UBL4A: variants seen among roughly 807,000 people sequenced by gnomAD.
UBL4A encodes ubiquitin like 4A.
A neutral mutation model predicts 11.4 loss-of-function variants in UBL4A; 4 were observed. The observed-to-expected ratio is 0.35, with a 90% CI of 0.17 to 0.81. UBL4A has a LOEUF of 0.81. UBL4A is among the 30% of genes least tolerant of loss of function. The pLI is 0.52. For synonymous variants in UBL4A, 72 were observed against 61.2 expected (o/e 1.18, Z -0.83); for missense variants, 112 against 124.9 (o/e 0.90, Z 0.49).
intron 2 of UBL4A, 73 bp downstream of exon 2, chrX:154,486,155 C>A: frequency 9.2e-7 from 1 of 1,082,030 alleles, no homozygotes; most frequent in Non-Finnish European, 1.2e-6. Context: ...CGACACACGG[C>A]TGCTGGCCTC....
Position 154,485,800 on chromosome X carries a change from C to T in UBL4A, c.334G>A (p.Ala112Thr). Reference sequence around the variant, plus strand: ...TGTAGCTGTTCCAGGACCCTGCTGGCATCTGCCGCACTGAAGTGGCGGGCC... The same window carrying T: ...TGTAGCTGTTCCAGGACCCTGCTGGTATCTGCCGCACTGAAGTGGCGGGCC... The part of the protein sequence containing the change: ...VLARHFSAAD[A>T]SRVLEQLQRD... The change falls in exon 3 of 4, where the codon GCC becomes ACC. Residue 112 changes from alanine (A) to threonine (T), a missense_variant. By Grantham distance (58) the Ala-to-Thr change is moderately conservative. Transcript: ENST00000369660. 1.7e-6 allele frequency: 2 copies of T among 1,197,907 alleles called. No individual in the cohort carries two copies. The highest frequency in any genetic ancestry group is 2.3e-6 in the Non-Finnish European group (2 of 888,203).
At position 154,486,522 on chromosome X, in the gene UBL4A, G is replaced by T. The variant is rs1557212971; in HGVS notation, c.48+15C>A. On this transcript the variant is annotated intron_variant, in intron 1 of 3. Transcript: ENST00000369660. The stretch of plus-strand genomic sequence containing the variant: ...AGAGCGCGCCGGACCCGGCGGCCCG[G>T]CCCGGGGACCCTACCTGCAGGCTGC... 3 of 1,035,059 alleles carry T rather than the reference G, an allele frequency of 2.9e-6. No homozygotes were observed. The highest frequency in any genetic ancestry group is 3.8e-4 in the Middle Eastern group (1 of 2,604). The allele number at this position is 1,035,059 out of a possible 1,213,427, so 85.3% of individuals were successfully genotyped here.
Position 154,485,529 on chromosome X carries a change from T to C in UBL4A, c.*10A>G. The C allele has an allele frequency of 1.7e-6, 2 of 1,207,411 alleles. No individual in the cohort carries two copies. The highest frequency in any genetic ancestry group is 2.2e-6 in the Non-Finnish European group (2 of 891,741). ...CCTGGCGTTGGGCACCTCCCCATGCTCCGAGAATTCTATTTGGAGAAGCCC... is the reference window on the plus strand; with the variant it reads ...CCTGGCGTTGGGCACCTCCCCATGCCCCGAGAATTCTATTTGGAGAAGCCC... On this transcript the variant is annotated 3_prime_UTR_variant, in exon 4 of 4. Transcript: ENST00000369660.
chrX:154,486,511 C>T (rs2069300433), intron 1 of UBL4A, 26 bp downstream of exon 1: 4 of 1,033,356 alleles, frequency 3.9e-6, no homozygotes, highest in Non-Finnish European at 4.9e-6. Flanking sequence ...CGCGCCGGAC[C>T]CGGCGGCCCG....
intron 3 of UBL4A, 44 bp from the exon 4 acceptor site, chrX:154,485,693 G>C (rs371383163): frequency 1.5e-5 from 18 of 1,190,381 alleles, no homozygotes; most frequent in Non-Finnish European, 1.9e-5. Context: ...GCCAGTGGTG[G>C]GGGGGCATAC....
chrX:154,486,543 G>A lies in UBL4A; in HGVS notation c.42C>T (p.Ser14=). ...CCCGGCCCGGGGACCCTACCTGCAG[G>A]CTGCACTCGCGGCCCTGCAGCGCCT... The part of the protein sequence containing the change: ...TVKALQGREC[S]LQVPEDELVS... Residue 14 remains serine (S), a synonymous_variant, in exon 1 of 4, where the codon AGC becomes AGT. Transcript: ENST00000369660. 2.9e-6 allele frequency: 3 copies of A among 1,024,404 alleles called. No individual in the cohort carries two copies. The highest frequency in any genetic ancestry group is 3.7e-6 in the Non-Finnish European group (3 of 802,908). The allele number at this position is 1,024,404 out of a possible 1,213,427, so 84.4% of individuals were successfully genotyped here.
Position 154,486,282 on chromosome X carries a change from G to A in UBL4A, c.100C>T (p.Leu34=). The change falls in exon 2 of 4, where the codon CTG becomes TTG. Residue 34 remains leucine, a synonymous_variant. Coordinates refer to ENST00000369660, the MANE Select transcript of UBL4A (RefSeq NM_014235.5). The part of the protein sequence containing the change: ...STLKQLVSEK[L]NVPVRQQRLL... ...CGCTGCTGGCGCACTGGGACGTTCA[G>A]CTTCTCGGAGACCAGCTGCTTCAGC... 8.6e-7 allele frequency: 1 copy of A among 1,156,165 alleles called. No individual in the cohort carries two copies. The highest frequency in any genetic ancestry group is 1.2e-6 in the Non-Finnish European group (1 of 868,018).
At position 154,485,824 on chromosome X, in the gene UBL4A, C is replaced by T. The variant is rs377663564; in HGVS notation, c.310G>A (p.Ala104Thr). The change falls in exon 3 of 4, where the codon GCC (alanine) becomes ACC (threonine). Residue 104 changes from alanine (A) to threonine (T), a missense_variant. Ala to Thr is a moderately conservative substitution (Grantham distance 58). Transcript: ENST00000369660. ...QVWQLISKVLARHFSAADASR... is the reference protein window; with the variant it reads ...QVWQLISKVLTRHFSAADASR... ...GCATCTGCCGCACTGAAGTGGCGGG[C>T]CAAGACTTTGGAGATCAGCTGCCAG... The T allele has an allele frequency of 6.6e-5, 78 of 1,189,734 alleles. 1 individual carries two copies. The African/African-American group carries it at 1.0e-3, about 16-fold the overall frequency.
In UBL4A at chrX:154,485,923, C is replaced by T. The variant is rs782495618; in HGVS notation, c.211G>A (p.Val71Ile). The T allele has an allele frequency of 1.1e-5, 13 of 1,210,648 alleles. No individual in the cohort carries two copies. The highest frequency in any genetic ancestry group is 7.8e-6 in the Non-Finnish European group (7 of 895,503). ...AGTAGCACCTTCTCCAGGGGTTTGA[C>T]CACTAGGTTGAGCTTGGAGTTGGGC... The part of the protein sequence containing the change: ...IGPNSKLNLV[V>I]KPLEKVLLEE... The change falls in exon 3 of 4, where the codon GTC (valine) becomes ATC (isoleucine). Residue 71 changes from valine to isoleucine, a missense_variant. By Grantham distance (29) the Val-to-Ile change is conservative. Coordinates refer to ENST00000369660, the MANE Select transcript of UBL4A (RefSeq NM_014235.5).
rs1557212598 is a variant in UBL4A at position 154,485,548 on chromosome X, G to A, written c.465C>T (p.Phe155=). 1.7e-6 allele frequency: 2 copies of A among 1,211,302 alleles called. No homozygotes were observed. Among genetic ancestry groups the A allele is most frequent in the Admixed American group, 2.2e-5 (1 of 46,078 alleles). The change falls in exon 4 of 4, where the codon TTC becomes TTT. Residue 155 remains phenylalanine (F), a synonymous_variant. Transcript: ENST00000369660. The part of the protein sequence containing the change: ...PEVTETMEKG[F]SK ...CCATGCTCCGAGAATTCTATTTGGA[G>A]AAGCCCTTCTCCATTGTCTCAGTCA...
In UBL4A at chrX:154,486,223, G is replaced by C. The variant is rs370390106; in HGVS notation, c.154+5C>G. The C allele has an allele frequency of 4.9e-5, 56 of 1,151,847 alleles. No individual in the cohort carries two copies. The African/African-American group carries it at 9.5e-4, about 19-fold the overall frequency. 94.9% of individuals were successfully genotyped at this position (1,151,847 alleles called of 1,213,427 possible). ...GCTCCCCGGGCGTCTCCTCTCCCTG[G>C]GTACCTGCCAGGGCCTTGCCCTTGA... On this transcript the variant is annotated splice_donor_5th_base_variant and intron_variant, in intron 2 of 3. Transcript: ENST00000369660.
In UBL4A at chrX:154,484,341, C is replaced by G. The variant is rs1557212316; in HGVS notation, c.*1198G>C. The G allele has an allele frequency of 8.9e-6, 1 of 112,979 alleles. No individual in the cohort carries two copies. The highest frequency in any genetic ancestry group is 3.2e-5 in the African/African-American group (1 of 31,108). The allele number at this position is 112,979 out of a possible 1,213,427, so 9.3% of individuals were successfully genotyped here. A position where few individuals can be genotyped will look rare whatever the true frequency, so the allele number is the denominator to read the frequency against. ...GGACCCAATATTTGCCCCACAAGGC[C>G]CAGGCAGGAGGGCCTCCAGCACGCG... is the stretch of plus-strand genomic sequence containing the variant. On this transcript the variant is annotated 3_prime_UTR_variant, in exon 4 of 4. Transcript: ENST00000369660.
rs1440789762 is a variant in UBL4A, at chrX:154,485,239, G to T, written c.*300C>A. 5.2e-5 allele frequency: 24 copies of T among 464,620 alleles called. No individual in the cohort carries two copies. Among genetic ancestry groups the T allele is most frequent in the Non-Finnish European group, 8.9e-5 (23 of 259,444 alleles). The allele number at this position is 464,620 out of a possible 1,213,427, so 38.3% of individuals were successfully genotyped here. On this transcript the variant is annotated 3_prime_UTR_variant, in exon 4 of 4. Coordinates refer to ENST00000369660, the MANE Select transcript of UBL4A (RefSeq NM_014235.5). ...ATTCTCAGTGGGCTAAACATGACAT[G>T]CGAGAGCCCAGCTCTCCAAGCGGCC...
At chrX:154,486,167 G>T in intron 2 of UBL4A, 61 bp downstream of exon 2, 1 of 1,103,416 alleles carries the variant, frequency 9.1e-7, no homozygotes, top group Non-Finnish European at 1.2e-6. Flanking sequence ...GCTGGCCTCG[G>T]CCCGCGCACC....
In UBL4A at chrX:154,484,928, C is replaced by G. The variant is rs1355166146; in HGVS notation, c.*611G>C. On this transcript the variant is annotated 3_prime_UTR_variant, in exon 4 of 4. Coordinates refer to ENST00000369660, the MANE Select transcript of UBL4A (RefSeq NM_014235.5). ...CACTGACTCAGGTCGGTGAGTGGCC[C>G]TCACTGTATAGAGTCCATGGCTGGG... 1.5e-5 allele frequency: 2 copies of G among 130,119 alleles called. No individual in the cohort carries two copies. Among genetic ancestry groups the G allele is most frequent in the Non-Finnish European group, 3.1e-5 (2 of 65,087 alleles). 10.7% of individuals were successfully genotyped at this position (130,119 alleles called of 1,213,427 possible).
chrX:154,486,268 C>T lies in UBL4A; in HGVS notation c.114G>A (p.Val38=), dbSNP rs1557212904. ...CCTTGAACAGCAGCCGCTGCTGGCG[C>T]ACTGGGACGTTCAGCTTCTCGGAGA... ...QLVSEKLNVP[V]RQQRLLFKGK... is the part of the protein sequence containing the mutation. The change falls in exon 2 of 4, where the codon GTG becomes GTA. Residue 38 remains valine (V), a synonymous_variant. Coordinates refer to ENST00000369660, the MANE Select transcript of UBL4A (RefSeq NM_014235.5). The T allele has an allele frequency of 2.6e-6, 3 of 1,157,519 alleles. No individual in the cohort carries two copies. The South Asian group carries it at 5.8e-5, about 22-fold the overall frequency.
chrX:154,486,564 C>G lies in UBL4A; in HGVS notation c.21G>C (p.Ala7=). The change falls in exon 1 of 4, where the codon GCG becomes GCC. Residue 7 remains alanine (A), a synonymous_variant. Transcript: ENST00000369660. The stretch of plus-strand genomic sequence containing the variant: ...GCAGGCTGCACTCGCGGCCCTGCAG[C>G]GCCTTCACCGTCAGCTGCATGGCGG... MQLTVK[A]LQGRECSLQV... 1.0e-6 allele frequency: 1 copy of G among 989,314 alleles called. No homozygotes were observed. Among genetic ancestry groups the G allele is most frequent in the Non-Finnish European group, 1.3e-6 (1 of 782,383 alleles). The allele number at this position is 989,314 out of a possible 1,213,427, so 81.5% of individuals were successfully genotyped here.
chrX:154,485,808 G>C lies in UBL4A; in HGVS notation c.326C>G (p.Ala109Gly), dbSNP rs782395991. ...TTCCAGGACCCTGCTGGCATCTGCCGCACTGAAGTGGCGGGCCAAGACTTT... is the reference window on the plus strand; with the variant it reads ...TTCCAGGACCCTGCTGGCATCTGCCCCACTGAAGTGGCGGGCCAAGACTTT... ...ISKVLARHFSAADASRVLEQL... is the reference protein window; with the variant it reads ...ISKVLARHFSGADASRVLEQL... Residue 109 changes from alanine to glycine, a missense_variant, in exon 3 of 4, where the codon GCG (alanine) becomes GGG (glycine). Coordinates refer to ENST00000369660, the MANE Select transcript of UBL4A (RefSeq NM_014235.5). The C allele has an allele frequency of 8.3e-7, 1 of 1,200,273 alleles. No homozygotes were observed. The highest frequency in any genetic ancestry group is 1.7e-5 in the African/African-American group (1 of 57,596).
chrX:154,485,751 C>T lies in UBL4A; in HGVS notation c.363+20G>A, dbSNP rs782646852. 4 of 1,188,446 alleles carry T rather than the reference C, an allele frequency of 3.4e-6. No homozygotes were observed. In the Admixed American group the frequency reaches 6.8e-5, roughly 20 times the overall value. On this transcript the variant is annotated intron_variant, in intron 3 of 3. Coordinates refer to ENST00000369660, the MANE Select transcript of UBL4A (RefSeq NM_014235.5). Reference sequence around the variant, plus strand: ...GGAGCAACTGGGCCTGAAGAGGATGCCCAGGGTTACCCTTCTCACCCTCTG... The same window carrying T: ...GGAGCAACTGGGCCTGAAGAGGATGTCCAGGGTTACCCTTCTCACCCTCTG...
Sources: allele counts gnomAD v4.1 joint callset, GRCh38; gene constraint gnomAD v4.1.1; transcripts MANE v1.5; gene names NCBI Gene and HGNC (gene_info 2026-07-23, HGNC 2026-07-21).